AKAP11: variants seen among roughly 807,000 people sequenced by gnomAD.
AKAP11 encodes A-kinase anchor protein 11.
A neutral mutation model predicts 146.1 loss-of-function variants in AKAP11; 36 were observed. That is an observed-to-expected ratio of 0.25 (90% CI 0.19 to 0.33). The LOEUF (loss-of-function observed/expected upper bound fraction) is 0.33. AKAP11 is among the 10% of genes least tolerant of loss of function. AKAP11 has a pLI of 1.00. For synonymous variants in AKAP11, 780 were observed against 786.5 expected (o/e 0.99, Z 0.14); for missense variants, 2,201 against 2,197.0 (o/e 1.00, Z -0.04).
chr13:42,285,117 G>C (rs1460903313), intron 1 of AKAP11, among the ~76,000 whole-genome samples: 3 of 152,186 alleles, frequency 2.0e-5, no homozygotes, highest in Non-Finnish European at 2.9e-5. Context: ...TGGGGGGCTA[G>C]ATTGAAGTTT....
Position 42,301,967 on chromosome 13 carries a change from C to T in AKAP11, c.3221C>T (p.Ser1074Phe), listed in dbSNP as rs61756566. 3.9e-3 allele frequency: 6,278 copies of T among 1,614,128 alleles called. 159 individuals are homozygous for T. In the East Asian group the frequency reaches 0.076, roughly 20 times the overall value. The change falls in exon 8 of 13, where the codon TCT (serine) becomes TTT (phenylalanine). Residue 1074 changes from serine (S) to phenylalanine (F), a missense_variant. By Grantham distance (155) the Ser-to-Phe change is radical (BLOSUM62 -2). Around this residue, in one of 3 missense-constraint regions of AKAP11, gnomAD observed 1,867 missense variants for 1,833.5 expected, o/e 1.02. Coordinates refer to ENST00000025301, the MANE Select transcript of AKAP11 (RefSeq NM_016248.4). ...TTTCCTCATTCACATACTTTCTCAT[C>T]TACAGCACTTACCTGTGTAGATGGT... ...NPFPHSHTFS[S>F]TALTCVDGLH...
chr13:42,303,706 A>T lies in AKAP11; in HGVS notation c.4960A>T (p.Ile1654Leu). 5.6e-6 allele frequency: 9 copies of T among 1,614,160 alleles called. No individual in the cohort carries two copies. The highest frequency in any genetic ancestry group is 7.6e-6 in the Non-Finnish European group (9 of 1,180,024). ...LDKKAVLAEK[I>L]VAEAIEKAER... The stretch of plus-strand genomic sequence containing the variant: ...TAAGAAGGCAGTGCTTGCTGAGAAG[A>T]TAGTTGCTGAAGCCATTGAAAAAGC... The change falls in exon 8 of 13, where the codon ATA becomes TTA. Residue 1654 changes from isoleucine to leucine, a missense_variant. Ile to Leu is a conservative substitution (Grantham distance 5). Transcript: ENST00000025301.
intron 1 of AKAP11, among the ~76,000 whole-genome samples, chr13:42,280,779 C>G (rs1325446894): frequency 6.6e-6 from 1 of 152,078 alleles, no homozygotes. Context: ...AGTTTTTGAA[C>G]TGGTGCGTGA....
chr13:42,292,173 G>A (rs1049960556), intron 3 of AKAP11, among the ~76,000 whole-genome samples: 1 of 152,182 alleles, frequency 6.6e-6, no homozygotes, highest in African/African-American at 2.4e-5. Context: ...GGCTCCAGTA[G>A]TATGTGTTTT....
At chr13:42,311,625 G>C (rs2138680888) in intron 9 of AKAP11, among the ~76,000 whole-genome samples, 1 of 152,164 alleles carries the variant, frequency 6.6e-6, no homozygotes, top group Non-Finnish European at 1.5e-5. Flanking sequence ...GTAATAGGTA[G>C]GTGATGGATT....
Position 42,299,646 on chromosome 13 carries a change from GTCT to G in AKAP11, c.904_906del (p.Ser302del). ...GTGATTTACAGAAAACATTTTTTTC[GTCT>G]TCTCCTGCCTACTCATCTGAATCAG... On this transcript the variant is annotated inframe_deletion, in exon 8 of 13. Coordinates refer to ENST00000025301, the MANE Select transcript of AKAP11 (RefSeq NM_016248.4). 6.2e-7 allele frequency: 1 copy of G among 1,613,530 alleles called. No individual in the cohort carries two copies. The highest frequency in any genetic ancestry group is 1.7e-5 in the Admixed American group (1 of 59,938).
At chr13:42,315,964 G>A (rs1960801501) in intron 11 of AKAP11, among the ~76,000 whole-genome samples, 1 of 152,126 alleles carries the variant, frequency 6.6e-6, no homozygotes, top group African/African-American at 2.4e-5. Context: ...TTGTAGGCCA[G>A]GCAACCAGGA....
chr13:42,303,041 G>A lies in AKAP11; in HGVS notation c.4295G>A (p.Gly1432Asp), dbSNP rs1436505934. Residue 1432 changes from glycine to aspartate, a missense_variant, in exon 8 of 13, where the codon GGT becomes GAT. Physicochemically the swap from Gly to Asp is moderately conservative, Grantham distance 94. Coordinates refer to ENST00000025301, the MANE Select transcript of AKAP11 (RefSeq NM_016248.4). ...AAGAGACAAAGTAAAAGAAATGAAG[G>A]TTACTTTTGTAAAAATCAAACTTGT... ...DKKRQSKRNE[G>D]YFCKNQTCER... 6.2e-7 allele frequency: 1 copy of A among 1,612,614 alleles called. No individual in the cohort carries two copies. The highest frequency in any genetic ancestry group is 1.3e-5 in the African/African-American group (1 of 74,726).
At chr13:42,316,264 C>CA (rs1960817038) in intron 11 of AKAP11, among the ~76,000 whole-genome samples, 1 of 152,144 alleles carries the variant, frequency 6.6e-6, no homozygotes, top group Non-Finnish European at 1.5e-5. Context: ...AGCAGAGAAT[C>CA]AGAGACATCT....
Position 42,298,733 on chromosome 13 carries a change from G to A in AKAP11, c.552G>A (p.Glu184=). 6.2e-7 allele frequency: 1 copy of A among 1,603,098 alleles called. No individual in the cohort carries two copies. The highest frequency in any genetic ancestry group is 8.5e-7 in the Non-Finnish European group (1 of 1,176,816). ...CTAACCAGTCTGTGTCATCCATAGA[G>A]GATGACTTTGTCACTGCTTTTGAGC... is the stretch of plus-strand genomic sequence containing the variant. ...DDTNQSVSSI[E]DDFVTAFEHL... Residue 184 remains glutamate, a synonymous_variant, in exon 7 of 13, where the codon GAG becomes GAA. Coordinates refer to ENST00000025301, the MANE Select transcript of AKAP11 (RefSeq NM_016248.4).
intron 3 of AKAP11, among the ~76,000 whole-genome samples, chr13:42,288,856 A>G (rs1959185403): frequency 6.6e-6 from 1 of 152,058 alleles, no homozygotes; most frequent in Non-Finnish European, 1.5e-5. Context: ...TCCCTTGTAT[A>G]TTTCACATAA....
Position 42,301,563 on chromosome 13 carries a change from T to C in AKAP11, c.2817T>C (p.Ala939=). ...SEASSNKDMF[A]DRLSKSIIKH... ...CTAGTAGCAATAAGGACATGTTTGC[T>C]GACCGGTTATCTAAATCTATTATTA... Residue 939 remains alanine (A), a synonymous_variant, in exon 8 of 13, where the codon GCT becomes GCC. Coordinates refer to ENST00000025301, the MANE Select transcript of AKAP11 (RefSeq NM_016248.4). 6.2e-7 allele frequency: 1 copy of C among 1,614,148 alleles called. No individual in the cohort carries two copies. Among genetic ancestry groups the C allele is most frequent in the Non-Finnish European group, 8.5e-7 (1 of 1,179,984 alleles).
rs1407927149 is a variant in AKAP11 at position 42,301,811 on chromosome 13, C to T, written c.3065C>T (p.Thr1022Ile). Residue 1022 changes from threonine (T) to isoleucine (I), a missense_variant, in exon 8 of 13, where the codon ACA (threonine) becomes ATA (isoleucine). Physicochemically the swap from Thr to Ile is moderately conservative, Grantham distance 89. Around this residue, in one of 3 missense-constraint regions of AKAP11, gnomAD observed 1,867 missense variants for 1,833.5 expected, o/e 1.02. Coordinates refer to ENST00000025301, the MANE Select transcript of AKAP11 (RefSeq NM_016248.4). ...ATGGTTCATGGATCCTCCCTAGAGA[C>T]ACTGCCATCTTGTCCAGCTGTGACA... is the stretch of plus-strand genomic sequence containing the variant. The part of the protein sequence containing the change: ...VSMVHGSSLE[T>I]LPSCPAVTGQ... 6.2e-7 allele frequency: 1 copy of T among 1,614,042 alleles called. No individual in the cohort carries two copies. Among genetic ancestry groups the T allele is most frequent in the Non-Finnish European group, 8.5e-7 (1 of 1,180,012 alleles).
chr13:42,281,712 A>G (rs1400399770), intron 1 of AKAP11, among the ~76,000 whole-genome samples: 1 of 152,134 alleles, frequency 6.6e-6, no homozygotes, highest in African/African-American at 2.4e-5. Context: ...GTCTTCTTTT[A>G]TATTACATAT....
intron 3 of AKAP11, among the ~76,000 whole-genome samples, chr13:42,290,338 C>T (rs1297189491): frequency 6.6e-6 from 1 of 152,120 alleles, no homozygotes; most frequent in Non-Finnish European, 1.5e-5. Context: ...ATCTGAAGTC[C>T]ATATTGTTGA....
chr13:42,311,641 A>C (rs1960570439), intron 9 of AKAP11, among the ~76,000 whole-genome samples: 1 of 152,158 alleles, frequency 6.6e-6, no homozygotes, highest in Admixed American at 6.5e-5. Context: ...GGATTTTATT[A>C]AGTGGAAGAA....
At chr13:42,271,526 A>C (rs1958767776), upstream of AKAP11, among the ~76,000 whole-genome samples, 1 of 152,164 alleles carries the variant, frequency 6.6e-6, no homozygotes, top group African/African-American at 2.4e-5. Flanking sequence ...GGGCCTTCGG[A>C]TCTGGTGGGG....
At chr13:42,303,896 TAAATTA>T (rs1960114629) in intron 8 of AKAP11, 33 bp downstream of exon 8, 1 of 1,528,896 alleles carries the variant, frequency 6.5e-7, no homozygotes, top group Non-Finnish European at 8.8e-7. Flanking sequence ...TTGTTAATGA[TAAATTA>T]AAAAGATAAA....
At position 42,298,644 on chromosome 13, in the gene AKAP11, A is replaced by G; in HGVS notation, c.463A>G (p.Thr155Ala). Residue 155 changes from threonine to alanine, a missense_variant, in exon 7 of 13, where the codon ACC (threonine) becomes GCC (alanine). Coordinates refer to ENST00000025301, the MANE Select transcript of AKAP11 (RefSeq NM_016248.4). ...TAAATATGCTACTGGTATAAGGTAC[A>G]CCTTGGACACATTCTTGCATCAGAA... ...LSKYATGIRY[T>A]LDTFLHQKHQ... The G allele has an allele frequency of 6.2e-7, 1 of 1,612,264 alleles. No homozygotes were observed. Among genetic ancestry groups the G allele is most frequent in the Non-Finnish European group, 8.5e-7 (1 of 1,179,384 alleles).
Sources: gnomAD v4.1 joint callset for allele counts (sites outside exome capture counted in the v4.1 genomes callset) on GRCh38, gnomAD v4.1.1 for gene constraint, gnomAD v4.1.1 regional missense constraint, MANE v1.5 for transcripts, NCBI Gene and HGNC (gene_info 2026-07-23, HGNC 2026-07-21) for gene names.